Variants in KIAA1217 observed in about 807,000 individuals in gnomAD.
KIAA1217 encodes KIAA1217.
Under a neutral mutation model 163.9 loss-of-function variants are expected in KIAA1217, and 88 were observed. The ratio of observed to expected loss-of-function variants is 0.54; its 90% confidence interval spans 0.45 to 0.64. KIAA1217 has a LOEUF of 0.64. Among genes scored for constraint, KIAA1217 ranks in the 30% least tolerant of loss-of-function variants. The probability of loss-of-function intolerance (pLI) is 0.00; values close to 1 mark genes in which losing one functional copy is unlikely to be tolerated. For synonymous variants in KIAA1217, 903 were observed against 923.1 expected (o/e 0.98, Z 0.39); for missense variants, 2,372 against 2,475.0 (o/e 0.96, Z 0.88).
chr10:24,054,254 A>G (rs1317837443), intron 2 of KIAA1217, among the ~76,000 whole-genome samples: 1 of 152,218 alleles, frequency 6.6e-6, no homozygotes, highest in East Asian at 1.9e-4. Flanking sequence ...TAAGCATTCA[A>G]GAGGAGATGC....
At chr10:24,194,855 G>A (rs971245305) in intron 2 of KIAA1217, among the ~76,000 whole-genome samples, 4 of 144,584 alleles carry the variant, frequency 2.8e-5, no homozygotes, top group Non-Finnish European at 6.0e-5. Flanking sequence ...TGATCCTCCA[G>A]CCTTGGCCTC....
intron 2 of KIAA1217, among the ~76,000 whole-genome samples, chr10:24,022,457 C>A (rs951407458): frequency 2.6e-5 from 4 of 151,614 alleles, no homozygotes; most frequent in African/African-American, 9.7e-5. Flanking sequence ...AAAAAGCTGA[C>A]AAACCAAATG....
At chr10:24,132,997 T>C (rs564138186) in intron 2 of KIAA1217, among the ~76,000 whole-genome samples, 180 of 152,202 alleles carry the variant, frequency 1.2e-3, no homozygotes, top group Admixed American at 2.3e-3. Flanking sequence ...AGGAAAGTTG[T>C]TGCTGGTTGA....
chr10:24,035,526 G>T (rs1848355470), intron 2 of KIAA1217, among the ~76,000 whole-genome samples: 1 of 152,112 alleles, frequency 6.6e-6, no homozygotes, highest in African/African-American at 2.4e-5. Context: ...TGATACACTG[G>T]GAAGAGACTA....
rs138034002 is a variant in KIAA1217 at position 24,213,075 on chromosome 10, A to C, written c.70+3812A>C. Among the ~76,000 whole-genome samples the C allele has an allele frequency of 3.8e-3, 581 of 152,326 alleles. 6 individuals carry two copies. Among genetic ancestry groups the C allele is most frequent in the African/African-American group, 0.013 (553 of 41,572 alleles). The stretch of plus-strand genomic sequence containing the variant: ...AGTTGTAACCCAGAGCTGTTTTGGC[A>C]AACTGGGGTATATGATCACCCTAAG... On this transcript the variant is annotated intron_variant, in intron 1 of 20. Transcript: ENST00000376454.
At chr10:24,509,342 C>T (rs956645352) in intron 9 of KIAA1217, among the ~76,000 whole-genome samples, 10 of 152,272 alleles carry the variant, frequency 6.6e-5, no homozygotes, top group African/African-American at 2.4e-4. Flanking sequence ...TCATTGCCCA[C>T]GTGCCAGCCG....
intron 1 of KIAA1217, among the ~76,000 whole-genome samples, chr10:23,862,851 G>A (rs1285279145): frequency 6.6e-6 from 1 of 151,978 alleles, no homozygotes; most frequent in Admixed American, 6.6e-5. Context: ...TTTTCTTCTT[G>A]CCTTGATGCT....
In KIAA1217 at chr10:23,817,992, T is replaced by TAC. The variant is rs1381263730; in HGVS notation, c.-321+122759_-321+122760insCA. On this transcript the variant is annotated intron_variant, in intron 1 of 18. Transcript: ENST00000376462. ...ATATATATATATATATATATATATA[T>TAC]ATATATATATATATATACACACATA... 3.8e-4 allele frequency among the ~76,000 whole-genome samples: 44 copies of TAC among 114,794 alleles called. 2 individuals are homozygous for TAC. The highest frequency in any genetic ancestry group is 1.7e-3 in the African/African-American group (42 of 24,482). 75.3% of individuals were successfully genotyped at this position (114,794 alleles called of 152,430 possible).
intron 2 of KIAA1217, among the ~76,000 whole-genome samples, chr10:24,145,740 T>C (rs11013918): frequency 0.036 from 5,445 of 152,306 alleles, 156 homozygotes; most frequent in Middle Eastern, 0.082. Context: ...TGACAAACCA[T>C]TCGTGTTAAG....
intron 2 of KIAA1217, among the ~76,000 whole-genome samples, chr10:24,303,601 G>A (rs1211547262): frequency 6.6e-6 from 1 of 152,204 alleles, no homozygotes; most frequent in Admixed American, 6.5e-5. Flanking sequence ...GAGGATTCCT[G>A]ATGTCATTTA....
intron 2 of KIAA1217, among the ~76,000 whole-genome samples, chr10:24,119,469 A>G (rs16924302): frequency 0.078 from 11,925 of 152,258 alleles, 604 homozygotes; most frequent in African/African-American, 0.13. Flanking sequence ...AAACAACTCT[A>G]TAGCAAAAGG....
intron 5 of KIAA1217, among the ~76,000 whole-genome samples, chr10:24,466,320 C>T (rs1245025168): frequency 2.0e-5 from 3 of 151,806 alleles, no homozygotes; most frequent in Non-Finnish European, 2.9e-5. Context: ...TTGCCTTCAG[C>T]GAAATATATT....
chr10:24,177,853 T>G (rs1487905951), intron 2 of KIAA1217, among the ~76,000 whole-genome samples: 5 of 152,184 alleles, frequency 3.3e-5, no homozygotes, highest in African/African-American at 1.2e-4. Context: ...TTTACTAAAG[T>G]GATACCATAT....
At chr10:23,857,301 T>C (rs1396230325) in intron 1 of KIAA1217, among the ~76,000 whole-genome samples, 1 of 152,190 alleles carries the variant, frequency 6.6e-6, no homozygotes, top group African/African-American at 2.4e-5. Context: ...TTTTGTCACC[T>C]CTTCTGAGCA....
intron 2 of KIAA1217, among the ~76,000 whole-genome samples, chr10:24,065,274 G>T (rs543034800): frequency 1.3e-5 from 2 of 151,920 alleles, no homozygotes; most frequent in African/African-American, 2.4e-5. Flanking sequence ...TCTCTTGTGG[G>T]CATTTAGTGC....
At chr10:24,001,507 A>G (rs905969952) in intron 1 of KIAA1217, among the ~76,000 whole-genome samples, 3 of 152,226 alleles carry the variant, frequency 2.0e-5, no homozygotes, top group African/African-American at 7.2e-5. Context: ...TTGAGCCTTT[A>G]CTGTATACCA....
chr10:24,089,923 A>G (rs565508163), intron 2 of KIAA1217, among the ~76,000 whole-genome samples: 2 of 151,936 alleles, frequency 1.3e-5, no homozygotes, highest in East Asian at 1.9e-4. Flanking sequence ...GACTTTCTTC[A>G]CAGAGTTAGA....
At chr10:24,520,651 A>T (rs4578278) in intron 11 of KIAA1217, among the ~76,000 whole-genome samples, 3,754 of 36,108 alleles carry the variant, frequency 0.1, 176 homozygotes, top group Non-Finnish European at 0.12. Flanking sequence ...AAAAAAAAAA[A>T]ATATATATAT....
chr10:24,281,468 C>A (rs1447401246), intron 2 of KIAA1217, among the ~76,000 whole-genome samples: 2 of 152,140 alleles, frequency 1.3e-5, no homozygotes, highest in African/African-American at 4.8e-5. Flanking sequence ...CATCTTCTCC[C>A]CATCACCTTT....
Sources: gnomAD v4.1 joint callset for allele counts (sites outside exome capture counted in the v4.1 genomes callset) on GRCh38, gnomAD v4.1.1 for gene constraint, MANE v1.5 for transcripts, NCBI Gene and HGNC (gene_info 2026-07-23, HGNC 2026-07-21) for gene names.